The following RAD51B variants were observed in gnomAD, a reference collection of about 807,000 sequenced individuals.
RAD51B encodes the protein RAD51 paralog B.
In RAD51B, 38 loss-of-function variants were observed where a neutral mutation model predicts 42.2. The observed-to-expected ratio is 0.90, with a 90% CI of 0.70 to 1.18. The LOEUF is 1.18. Ranked by LOEUF, RAD51B falls within the 50% of genes most tolerant of loss-of-function variation. The pLI is 0.00. For synonymous variants in RAD51B, 154 were observed against 145.2 expected (o/e 1.06, Z -0.43); for missense variants, 373 against 400.7 (o/e 0.93, Z 0.59).
intron 8 of RAD51B, among the ~76,000 whole-genome samples, chr14:68,379,461 CT>C (rs1167575960): frequency 2.6e-5 from 4 of 152,174 alleles, no homozygotes; most frequent in African/African-American, 9.7e-5. Flanking sequence ...CTTCATCCAT[CT>C]TCCTGTCTAT....
chr14:68,092,608 A>T (rs1460031436), intron 7 of RAD51B, among the ~76,000 whole-genome samples: 2 of 152,164 alleles, frequency 1.3e-5, no homozygotes, highest in African/African-American at 4.8e-5. Flanking sequence ...GGTTGCGACG[A>T]TGGGGTTTTC....
intron 1 of RAD51B, among the ~76,000 whole-genome samples, chr14:67,821,479 A>G (rs758206970): frequency 4.6e-5 from 7 of 152,050 alleles, no homozygotes; most frequent in Admixed American, 2.0e-4. Flanking sequence ...TTTGTTTTTG[A>G]TAGGGTCTCA....
chr14:67,901,149 G>T (rs538532200), intron 7 of RAD51B, among the ~76,000 whole-genome samples: 5 of 152,308 alleles, frequency 3.3e-5, no homozygotes, highest in African/African-American at 1.2e-4. Flanking sequence ...CCCAAAATGG[G>T]AGGGCTAAAG....
intron 7 of RAD51B, among the ~76,000 whole-genome samples, chr14:67,966,461 A>G (rs1352621023): frequency 6.6e-6 from 1 of 152,222 alleles, no homozygotes; most frequent in East Asian, 1.9e-4. Context: ...TTACTATATA[A>G]GTATTGTATT....
intron 8 of RAD51B, among the ~76,000 whole-genome samples, chr14:68,320,252 AC>A (rs2057668286): frequency 6.6e-6 from 1 of 152,250 alleles, no homozygotes; most frequent in East Asian, 1.9e-4. Context: ...AATGCAATAG[AC>A]GCAGAAATCT....
intron 7 of RAD51B, among the ~76,000 whole-genome samples, chr14:67,992,919 C>G (rs2075319679): frequency 6.6e-6 from 1 of 151,996 alleles, no homozygotes. Flanking sequence ...TTGTTTTTTA[C>G]TCATTCATTA....
At chr14:68,048,480 C>T (rs1212285511) in intron 7 of RAD51B, among the ~76,000 whole-genome samples, 1 of 152,024 alleles carries the variant, frequency 6.6e-6, no homozygotes. Flanking sequence ...CTTTTGTTGC[C>T]ATTGCTTTTG....
At chr14:68,453,604 A>G (rs2085610327) in intron 9 of RAD51B, among the ~76,000 whole-genome samples, 1 of 152,208 alleles carries the variant, frequency 6.6e-6, no homozygotes, top group Non-Finnish European at 1.5e-5. Context: ...TAGACAAAGC[A>G]TAGGACAAAA....
At chr14:67,859,019 A>T (rs1256226435) in intron 4 of RAD51B, among the ~76,000 whole-genome samples, 1 of 152,248 alleles carries the variant, frequency 6.6e-6, no homozygotes, top group African/African-American at 2.4e-5. Context: ...TTGTGGGAAG[A>T]AAATATTAAA....
chr14:68,653,292 G>A (rs917203202), intron 11 of RAD51B, among the ~76,000 whole-genome samples: 9 of 152,198 alleles, frequency 5.9e-5, no homozygotes, highest in South Asian at 4.1e-4. Flanking sequence ...GTTGGAGACT[G>A]TAGCGTACTA....
intron 8 of RAD51B, among the ~76,000 whole-genome samples, chr14:68,316,846 C>T (rs1000804950): frequency 1.3e-5 from 2 of 152,160 alleles, no homozygotes; most frequent in African/African-American, 4.8e-5. Context: ...GTATAATTTA[C>T]ATACTATAAA....
chr14:67,836,801 C>T (rs1252199803), intron 4 of RAD51B, among the ~76,000 whole-genome samples: 5 of 152,180 alleles, frequency 3.3e-5, no homozygotes, highest in Non-Finnish European at 7.3e-5. Flanking sequence ...AATTTGAGGA[C>T]ATTTTAAAAC....
chr14:68,430,510 A>T (rs2084974327), intron 9 of RAD51B, among the ~76,000 whole-genome samples: 1 of 152,116 alleles, frequency 6.6e-6, no homozygotes, highest in African/African-American at 2.4e-5. Context: ...CTTTGAAGCA[A>T]TTGTGAATGG....
At chr14:67,859,640 TGTGACACATAACTCA>T (rs2042101401) in intron 4 of RAD51B, among the ~76,000 whole-genome samples, 1 of 152,202 alleles carries the variant, frequency 6.6e-6, no homozygotes, top group Non-Finnish European at 1.5e-5. Context: ...TTTAAAGTTA[TGTGACACATAACTCA>T]GTATCTAGAA....
At chr14:68,293,166 C>T (rs550361822) in intron 8 of RAD51B, among the ~76,000 whole-genome samples, 60 of 152,288 alleles carry the variant, frequency 3.9e-4, no homozygotes, top group African/African-American at 1.4e-3. Context: ...TGAACTTCCC[C>T]GTCTGGCCTT....
At chr14:68,489,613 G>C (rs752342639) in intron 10 of RAD51B, among the ~76,000 whole-genome samples, 60 of 152,294 alleles carry the variant, frequency 3.9e-4, no homozygotes, top group Non-Finnish European at 7.6e-4. Context: ...GAAAGAGCTT[G>C]AAAAAGTAGA....
At chr14:68,410,635 G>A (rs2084391752) in intron 8 of RAD51B, among the ~76,000 whole-genome samples, 1 of 152,146 alleles carries the variant, frequency 6.6e-6, no homozygotes, top group Admixed American at 6.5e-5. Flanking sequence ...GGGATGTGCT[G>A]GACATGATAG....
chr14:67,883,646 C>T (rs2042982881), intron 5 of RAD51B, among the ~76,000 whole-genome samples: 1 of 152,096 alleles, frequency 6.6e-6, no homozygotes, highest in Non-Finnish European at 1.5e-5. Flanking sequence ...AGCGCTAGCC[C>T]CACCTGTCAC....
chr14:68,244,666 A>C (rs1030691297), intron 7 of RAD51B, among the ~76,000 whole-genome samples: 2 of 152,218 alleles, frequency 1.3e-5, no homozygotes, highest in Non-Finnish European at 1.5e-5. Flanking sequence ...TATTGGTAAC[A>C]AGGCCAATCT....
Sources: allele counts gnomAD v4.1 joint callset (sites outside exome capture counted in the v4.1 genomes callset), GRCh38; gene constraint gnomAD v4.1.1; transcripts MANE v1.5; gene names NCBI Gene and HGNC (gene_info 2026-07-23, HGNC 2026-07-21).